The following GALNT16 variants were observed in gnomAD, a reference collection of about 807,000 sequenced individuals.
GALNT16 encodes UDP-GalNAc:polypeptide N-acetylgalactosaminyltransferase-like protein 1.
GALNT16 carries 40 observed loss-of-function variants against 76.1 expected under a neutral mutation model. The ratio of observed to expected loss-of-function variants is 0.53; its 90% CI spans 0.41 to 0.68. The LOEUF is 0.68. GALNT16 is among the 30% of genes least tolerant of loss of function. The pLI is 0.00. For synonymous variants in GALNT16, 276 were observed against 285.2 expected, an observed-to-expected ratio of 0.97 and a Z score of 0.32; for missense variants, 621 against 731.9, an observed-to-expected ratio of 0.85 and a Z score of 1.75.
intron 1 of GALNT16, among the ~76,000 whole-genome samples, chr14:69,285,299 C>T (rs1037970890): frequency 6.6e-6 from 1 of 152,152 alleles, no homozygotes; most frequent in Non-Finnish European, 1.5e-5. Context: ...GCTGGGATTG[C>T]AGGCTTGAGC....
chr14:69,312,953 G>A (rs1278273744), intron 1 of GALNT16, among the ~76,000 whole-genome samples: 2 of 152,212 alleles, frequency 1.3e-5, no homozygotes, highest in Admixed American at 6.5e-5. Context: ...CTTAGGCTCT[G>A]TGGCCAGACA....
intron 1 of GALNT16, among the ~76,000 whole-genome samples, chr14:69,308,886 A>G (rs1391373981): frequency 6.6e-6 from 1 of 152,256 alleles, no homozygotes; most frequent in East Asian, 1.9e-4. Flanking sequence ...AATGTATAAA[A>G]GCTTCTATTT....
At chr14:69,263,948 G>A (rs367713421) in intron 1 of GALNT16, among the ~76,000 whole-genome samples, 13 of 152,330 alleles carry the variant, frequency 8.5e-5, no homozygotes, top group South Asian at 8.3e-4. Flanking sequence ...ACTGATGCAC[G>A]CTGGGACAGG....
chr14:69,352,038 G>A lies in GALNT16; in HGVS notation c.1547G>A (p.Arg516Lys), dbSNP rs771365653. 1.2e-6 allele frequency: 2 copies of A among 1,611,732 alleles called. No homozygotes were observed. Among genetic ancestry groups the A allele is most frequent in the South Asian group, 2.2e-5 (2 of 90,674 alleles). The part of the protein sequence containing the change: ...CNPREGKQKW[R>K]RKGSFIQHSV... ...CATCTCTGTTCCTCCTAGAAATGGA[G>A]GAGAAAAGGATCTTTCATCCAGCAT... Residue 516 changes from arginine (R) to lysine (K), a missense_variant, in exon 15 of 15, where the codon AGG (arginine) becomes AAG (lysine). By Grantham distance (26) the Arg-to-Lys change is conservative (BLOSUM62 2). Coordinates refer to ENST00000448469, the MANE Select transcript of GALNT16 (RefSeq NM_001168368.2).
In GALNT16 at chr14:69,333,437, C is replaced by G; in HGVS notation, c.864-60C>G. 1 of 1,053,996 alleles carries G rather than the reference C, an allele frequency of 9.5e-7. No individual in the cohort carries two copies. The highest frequency in any genetic ancestry group is 1.5e-6 in the Non-Finnish European group (1 of 673,038). The allele number at this position is 1,053,996 out of a possible 1,614,324, so 65.3% of individuals were successfully genotyped here. On this transcript the variant is annotated intron_variant, in intron 8 of 14. Coordinates refer to ENST00000448469, the MANE Select transcript of GALNT16 (RefSeq NM_001168368.2). This position sits in a 1 kb window ranked among gnomAD's most constrained non-coding sequence, Gnocchi z 4.2. The stretch of plus-strand genomic sequence containing the variant: ...AGACGGTCTTGGGTCCTGGGGCCAT[C>G]TAAAGGGCCTCCTTGCTTCTCCAGC...
intron 1 of GALNT16, among the ~76,000 whole-genome samples, chr14:69,262,117 A>C (rs931416006): frequency 1.3e-5 from 2 of 152,236 alleles, no homozygotes; most frequent in African/African-American, 4.8e-5. Context: ...GAAGAGCCCT[A>C]GTCTCAGGCA....
In GALNT16 at chr14:69,347,854, C is replaced by A. The variant is rs775624171; in HGVS notation, c.1414-23C>A. 6.2e-6 allele frequency: 10 copies of A among 1,610,794 alleles called. No homozygotes were observed. The South Asian group carries it at 6.6e-5, about 11-fold the overall frequency. Reference sequence around the variant, plus strand: ...CCCATCGCTGTACTTTTTGACTTGGCCTTTCTGCTCCCTGCCTTGCAGGCA... The same window carrying A: ...CCCATCGCTGTACTTTTTGACTTGGACTTTCTGCTCCCTGCCTTGCAGGCA... On this transcript the variant is annotated intron_variant, in intron 13 of 14. Coordinates refer to ENST00000448469, the MANE Select transcript of GALNT16 (RefSeq NM_001168368.2).
the GALNT16 span, among the ~76,000 whole-genome samples, chr14:69,373,647 G>A: frequency 2.0e-4 from 30 of 152,342 alleles, no homozygotes; most frequent in East Asian, 2.7e-3. Flanking sequence ...AAACTATGTA[G>A]TGGAGTAGAC....
Position 69,347,897 on chromosome 14 carries a change from C to T in GALNT16, c.1434C>T (p.His478=), listed in dbSNP as rs1302884556. The change falls in exon 14 of 15, where the codon CAC becomes CAT. Residue 478 remains histidine (H), a synonymous_variant. Transcript: ENST00000448469. ...QPAQAWLFSD[H]LIQQQGKCLA... The stretch of plus-strand genomic sequence containing the variant: ...TGCAGGCATGGCTGTTCAGTGACCA[C>T]CTCATCCAGCAGCAGGGGAAGTGCC... The T allele has an allele frequency of 1.9e-6, 3 of 1,613,792 alleles. No homozygotes were observed. The highest frequency in any genetic ancestry group is 1.7e-6 in the Non-Finnish European group (2 of 1,180,028).
At chr14:69,365,040 C>T in the GALNT16 span, among the ~76,000 whole-genome samples, 1 of 152,218 alleles carries the variant, frequency 6.6e-6, no homozygotes, top group Non-Finnish European at 1.5e-5. Flanking sequence ...CCAACGATGT[C>T]TGATTCCCAG....
In GALNT16 at chr14:69,333,025, G is replaced by C; in HGVS notation, c.779-60G>C. 4.2e-6 allele frequency: 5 copies of C among 1,177,186 alleles called. No individual in the cohort carries two copies. The highest frequency in any genetic ancestry group is 6.4e-6 in the Non-Finnish European group (5 of 781,100). The allele number at this position is 1,177,186 out of a possible 1,614,324, so 72.9% of individuals were successfully genotyped here. ...AGACTCCGAGGGGTGGTGGAGTGAA[G>C]GGTCTCAGCAGCCCGCAGCTCTGCC... On this transcript the variant is annotated intron_variant, in intron 7 of 14. Transcript: ENST00000448469. This position sits in a 1 kb window ranked among gnomAD's most constrained non-coding sequence, Gnocchi z 4.2.
Position 69,327,258 on chromosome 14 carries a change from G to A in GALNT16, c.569-1192G>A, listed in dbSNP as rs2140173210. On this transcript the variant is annotated intron_variant, in intron 5 of 14. Coordinates refer to ENST00000448469, the MANE Select transcript of GALNT16 (RefSeq NM_001168368.2). ...CCAACTACTCAGGAGGCTGAGGCAG[G>A]AGAATCACTTGAACGCTTGAACCCA... Among the ~76,000 whole-genome samples the A allele has an allele frequency of 2.6e-5, 4 of 152,318 alleles. No individual in the cohort carries two copies. In the Middle Eastern group the frequency reaches 0.01, roughly 389 times the overall value.
chr14:69,377,804 C>CA, the GALNT16 span, among the ~76,000 whole-genome samples: 813 of 37,462 alleles, frequency 0.022, 161 homozygotes, highest in East Asian at 0.055. Context: ...GAGACTGTCT[C>CA]AAAAAAAAAA....
chr14:69,327,192 A>T (rs1210911682), intron 5 of GALNT16, among the ~76,000 whole-genome samples: 1 of 152,186 alleles, frequency 6.6e-6, no homozygotes, highest in Non-Finnish European at 1.5e-5. Context: ...CTCTACTAAA[A>T]ATACGAAAAT....
rs570964889 is a variant in GALNT16, at chr14:69,352,513, C to T, written c.*345C>T. ...AGTGTGTGGTCTCTCCCTTGTTGCC[C>T]GGAGAAAGCAAGGACAGAAGCCCAC... On this transcript the variant is annotated 3_prime_UTR_variant, in exon 15 of 15. Transcript: ENST00000448469. 2.6e-4 allele frequency: 51 copies of T among 194,914 alleles called. No individual in the cohort carries two copies. Among genetic ancestry groups the T allele is most frequent in the African/African-American group, 1.0e-3 (43 of 43,070 alleles). The allele number at this position is 194,914 out of a possible 1,614,324, so 12.1% of individuals were successfully genotyped here. A position where few individuals can be genotyped will look rare whatever the true frequency, so the allele number is the denominator to read the frequency against.
intron 1 of GALNT16, among the ~76,000 whole-genome samples, chr14:69,292,120 A>C (rs922329641): frequency 6.6e-6 from 1 of 152,018 alleles, no homozygotes; most frequent in Non-Finnish European, 1.5e-5. Flanking sequence ...TGGAGCATTA[A>C]CTCTGTCCCC....
chr14:69,337,286 G>T (rs1027031974), intron 9 of GALNT16, among the ~76,000 whole-genome samples: 3 of 152,028 alleles, frequency 2.0e-5, no homozygotes, highest in African/African-American at 7.3e-5. Context: ...GAGCTTCAAC[G>T]TCCTCGTTAA....
intron 14 of GALNT16, 41 bp downstream of exon 14, chr14:69,348,043 A>T: frequency 6.2e-7 from 1 of 1,608,378 alleles, no homozygotes; most frequent in Non-Finnish European, 8.5e-7. Flanking sequence ...CAGCAGCCCG[A>T]GGGGCCATGC....
chr14:69,307,439 G>T (rs1044378362), intron 1 of GALNT16, among the ~76,000 whole-genome samples: 1 of 152,288 alleles, frequency 6.6e-6, no homozygotes, highest in African/African-American at 2.4e-5. Flanking sequence ...AGTGGATATT[G>T]TTCCGGCTCA....
Sources: gnomAD v4.1 joint callset for allele counts (sites outside exome capture counted in the v4.1 genomes callset) on GRCh38, gnomAD v4.1.1 for gene constraint, Gnocchi (gnomAD v3.1) non-coding constraint, MANE v1.5 for transcripts, NCBI Gene and HGNC (gene_info 2026-07-23, HGNC 2026-07-21) for gene names.